The following AMPH variants were observed in gnomAD, a reference collection of about 807,000 sequenced individuals.
AMPH encodes the protein amphiphysin (Stiff-Mann syndrome with breast cancer 128kD autoantigen).
Under a neutral mutation model 99.1 loss-of-function variants are expected in AMPH, and 49 were observed. The ratio of observed to expected loss-of-function variants is 0.49; its 90% confidence interval spans 0.39 to 0.63. The LOEUF is 0.63. Ranked by LOEUF, AMPH falls within the 20% of genes least tolerant of loss-of-function variation. The pLI, the probability that AMPH is intolerant of heterozygous loss-of-function variation, is 0.00. For synonymous variants in AMPH, 314 were observed against 317.3 expected (o/e 0.99, Z 0.11); for missense variants, 759 against 863.4 (o/e 0.88, Z 1.52).
At chr7:38,497,784 A>G (rs1788985201) in intron 3 of AMPH, among the ~76,000 whole-genome samples, 1 of 152,212 alleles carries the variant, frequency 6.6e-6, no homozygotes, top group African/African-American at 2.4e-5. Context: ...TAGATTCTTA[A>G]GGAGAGCAAG....
chr7:38,596,954 A>G (rs907505318), intron 1 of AMPH, among the ~76,000 whole-genome samples: 4 of 152,184 alleles, frequency 2.6e-5, no homozygotes, highest in East Asian at 3.8e-4. Context: ...ACAGTTTCCC[A>G]CTAACTCTTA....
intron 1 of AMPH, among the ~76,000 whole-genome samples, chr7:38,578,018 C>T (rs112599031): frequency 1.6e-4 from 25 of 152,296 alleles, no homozygotes; most frequent in African/African-American, 2.4e-4. Context: ...TGACAACACA[C>T]GACTACACTG....
At chr7:38,493,354 T>A (rs1378630663) in intron 4 of AMPH, among the ~76,000 whole-genome samples, 1 of 152,212 alleles carries the variant, frequency 6.6e-6, no homozygotes, top group Non-Finnish European at 1.5e-5. Context: ...AGACAATCTG[T>A]GACTGGCAGT....
chr7:38,566,546 T>C (rs1457923408), intron 1 of AMPH, among the ~76,000 whole-genome samples: 2 of 151,762 alleles, frequency 1.3e-5, no homozygotes, highest in African/African-American at 2.4e-5. Flanking sequence ...AATAGACAAA[T>C]GGGATCTAAT....
At chr7:38,554,739 C>T (rs900986971) in intron 1 of AMPH, among the ~76,000 whole-genome samples, 1 of 152,194 alleles carries the variant, frequency 6.6e-6, no homozygotes, top group Non-Finnish European at 1.5e-5. Flanking sequence ...GTCAGGAATT[C>T]CACAAGGCCA....
At chr7:38,510,304 G>A (rs542699233) in intron 2 of AMPH, among the ~76,000 whole-genome samples, 53 of 152,186 alleles carry the variant, frequency 3.5e-4, no homozygotes, top group African/African-American at 1.1e-3. Context: ...CTGGATTAAG[G>A]CTCACATATA....
Position 38,415,308 on chromosome 7 carries a change from A to T in AMPH, c.1398+2517T>A, listed in dbSNP as rs572640559. On this transcript the variant is annotated intron_variant, in intron 17 of 20. Coordinates refer to ENST00000356264, the MANE Select transcript of AMPH (RefSeq NM_001635.4). ...ACAAACTTCATCTCAGGTGAAATGC[A>T]TTCTGTCAAAACTTGAACTAATAAT... 5.3e-5 allele frequency among the ~76,000 whole-genome samples: 8 copies of T among 152,358 alleles called. No homozygotes were observed. The South Asian group carries it at 1.7e-3, about 32-fold the overall frequency.
intron 17 of AMPH, among the ~76,000 whole-genome samples, chr7:38,414,261 C>G (rs1214090030): frequency 6.6e-6 from 1 of 152,196 alleles, no homozygotes; most frequent in Non-Finnish European, 1.5e-5. Flanking sequence ...AAACAAAACA[C>G]AGCAAAAACC....
rs903711839 is a variant in AMPH at position 38,547,356 on chromosome 7, A to T, written c.70-12345T>A. Among the ~76,000 whole-genome samples, 5 of 152,182 alleles carry T rather than the reference A, an allele frequency of 3.3e-5. 1 individual carries two copies. The highest frequency in any genetic ancestry group is 1.2e-4 in the African/African-American group (5 of 41,440). The stretch of plus-strand genomic sequence containing the variant: ...TTAAAACAATCCAACACACTCCTAA[A>T]AAAGCATCACTGTGCGTTACGGTGT... On this transcript the variant is annotated intron_variant, in intron 1 of 20. Transcript: ENST00000356264.
At chr7:38,533,012 A>G (rs774055366) in intron 2 of AMPH, among the ~76,000 whole-genome samples, 6 of 152,162 alleles carry the variant, frequency 3.9e-5, no homozygotes, top group Non-Finnish European at 7.3e-5. Flanking sequence ...TTCAATCTAA[A>G]TCCAATATTT....
intron 1 of AMPH, among the ~76,000 whole-genome samples, chr7:38,548,646 A>T (rs753094573): frequency 3.3e-5 from 5 of 152,102 alleles, no homozygotes; most frequent in Non-Finnish European, 1.5e-5. Context: ...GAAAGAGAAA[A>T]GCTCTCTGCT....
chr7:38,532,740 G>GAA (rs34900203), intron 2 of AMPH, among the ~76,000 whole-genome samples: 129 of 132,516 alleles, frequency 9.7e-4, no homozygotes, highest in East Asian at 5.5e-3. Flanking sequence ...AGAAAGCTGG[G>GAA]AAAAAAAAAA....
chr7:38,535,638 A>C (rs1454076796), intron 1 of AMPH, among the ~76,000 whole-genome samples: 1 of 152,190 alleles, frequency 6.6e-6, no homozygotes, highest in Non-Finnish European at 1.5e-5. Context: ...AATCAGTGGG[A>C]ACCCTGAGCT....
intron 1 of AMPH, among the ~76,000 whole-genome samples, chr7:38,542,744 C>T (rs1217942863): frequency 6.6e-6 from 1 of 152,010 alleles, no homozygotes; most frequent in African/African-American, 2.4e-5. Flanking sequence ...TTGCCTGAGC[C>T]CAGGAGTTGG....
chr7:38,566,345 C>T (rs1562831320), intron 1 of AMPH, among the ~76,000 whole-genome samples: 1 of 151,828 alleles, frequency 6.6e-6, no homozygotes, highest in Non-Finnish European at 1.5e-5. Flanking sequence ...TCTGTGTTAC[C>T]CAGGCTGGCC....
chr7:38,568,789 T>C (rs1791837496), intron 1 of AMPH, among the ~76,000 whole-genome samples: 1 of 152,108 alleles, frequency 6.6e-6, no homozygotes, highest in Non-Finnish European at 1.5e-5. Flanking sequence ...ACATCTAGTT[T>C]GCATTAGGCC....
intron 1 of AMPH, among the ~76,000 whole-genome samples, chr7:38,576,099 G>C (rs948517491): frequency 6.6e-6 from 1 of 152,160 alleles, no homozygotes; most frequent in Admixed American, 6.5e-5. Flanking sequence ...TTGAGATGTG[G>C]TGCTATGTAA....
intron 2 of AMPH, among the ~76,000 whole-genome samples, chr7:38,511,533 G>T (rs1239799695): frequency 2.6e-5 from 4 of 152,012 alleles, no homozygotes; most frequent in Non-Finnish European, 5.9e-5. Context: ...AAAAATCAAC[G>T]GAATATGATA....
chr7:38,400,937 AC>A (rs1246594017), intron 17 of AMPH, among the ~76,000 whole-genome samples: 2 of 152,190 alleles, frequency 1.3e-5, no homozygotes, highest in African/African-American at 4.8e-5. Context: ...TTTTTTTCTA[AC>A]AAATTTTAAA....
Sources: gnomAD v4.1 joint callset for allele counts (sites outside exome capture counted in the v4.1 genomes callset) on GRCh38, gnomAD v4.1.1 for gene constraint, MANE v1.5 for transcripts, NCBI Gene and HGNC (gene_info 2026-07-23, HGNC 2026-07-21) for gene names.